Variants in DNAH3 observed in about 807,000 individuals in gnomAD.
DNAH3 encodes the protein axonemal beta dynein heavy chain 3.
In DNAH3, 332 loss-of-function variants were observed where a neutral mutation model predicts 432.5. The ratio of observed to expected loss-of-function variants is 0.77; its 90% CI spans 0.70 to 0.84. The LOEUF (loss-of-function observed/expected upper bound fraction) is 0.84. Among genes scored for constraint, DNAH3 ranks in the 40% least tolerant of loss-of-function variants. The pLI is 0.00. For synonymous variants in DNAH3, 1,956 were observed against 1,900.2 expected (o/e 1.03, Z -0.76); for missense variants, 4,861 against 5,114.0 (o/e 0.95, Z 1.51).
intron 30 of DNAH3, 78 bp from the exon 31 acceptor site, chr16:21,049,760 G>T: frequency 7.1e-7 from 1 of 1,414,800 alleles, no homozygotes; most frequent in Non-Finnish European, 1.0e-6. Context: ...TTCAACAGCA[G>T]TGGGCTCCTC....
chr16:21,121,806 G>C, intron 10 of DNAH3, 139 bp downstream of exon 11: 1 of 595,096 alleles, frequency 1.7e-6, no homozygotes, highest in Non-Finnish European at 2.8e-6. Context: ...GGGTCAAGGG[G>C]TTATATTCAG....
intron 8 of DNAH3, 149 bp from the exon 10 acceptor site, chr16:21,125,519 C>T (rs775930102): frequency 3.8e-6 from 2 of 525,794 alleles, no homozygotes; most frequent in African/African-American, 1.9e-5. Context: ...TTCCAGCCAC[C>T]TTACCTGCCA....
rs74012109 is a variant in DNAH3, at chr16:21,111,931, G to C, written c.1920+62C>G. On this transcript the variant is annotated intron_variant, in intron 13 of 61. Transcript: ENST00000261383. ...TCTATGCACCAAAGAGACACTAACT[G>C]CTCATTGGATTGTCTGCAGCACATG... 1.7e-3 allele frequency: 2,622 copies of C among 1,542,410 alleles called. 34 individuals carry two copies. The African/African-American group carries it at 0.03, about 17-fold the overall frequency.
chr16:21,071,096 G>C (rs1037020298), intron 21 of DNAH3, among the ~76,000 whole-genome samples: 1 of 151,502 alleles, frequency 6.6e-6, no homozygotes, highest in South Asian at 2.1e-4. Flanking sequence ...AGGCTGGAGG[G>C]CACCAGCAGA....
At chr16:21,157,624 C>G (rs981075064) in intron 1 of DNAH3, among the ~76,000 whole-genome samples, 2 of 152,106 alleles carry the variant, frequency 1.3e-5, no homozygotes, top group African/African-American at 4.8e-5. Context: ...GCCACCGCAC[C>G]CTGCCAGCTT....
chr16:21,131,010 T>C (rs1413943145), intron 7 of DNAH3, among the ~76,000 whole-genome samples: 3 of 152,034 alleles, frequency 2.0e-5, no homozygotes, highest in Admixed American at 6.6e-5. Flanking sequence ...CTCCAGGAGG[T>C]AGGTATTGTT....
chr16:21,058,624 A>T (rs989788156), intron 26 of DNAH3, among the ~76,000 whole-genome samples: 4 of 152,214 alleles, frequency 2.6e-5, no homozygotes, highest in Non-Finnish European at 5.9e-5. Context: ...AAATTTTTTC[A>T]TAAATAAAGT....
At chr16:21,112,148 A>C (rs777648640) in intron 12 of DNAH3, 50 bp from the exon 13 acceptor site, 1 of 1,278,066 alleles carries the variant, frequency 7.8e-7, no homozygotes, top group Non-Finnish European at 1.1e-6. Flanking sequence ...AAGTCAACCA[A>C]ATCAGATGAG....
intron 51 of DNAH3, among the ~76,000 whole-genome samples, chr16:20,972,409 T>G (rs1456905959): frequency 6.6e-6 from 1 of 151,890 alleles, no homozygotes; most frequent in Non-Finnish European, 1.5e-5. Context: ...TTCTTTTTAG[T>G]TTTTTGCAGA....
rs371419683 is a variant in DNAH3 at position 20,976,238 on chromosome 16, C to G, written c.8077-823G>C. ...TTTGAGATGGAGTCTCACTCTATCA[C>G]CCAGGCTGTAGTGGTGAGATCTCAG... On this transcript the variant is annotated intron_variant, in intron 50 of 61. Transcript: ENST00000261383. Among the ~76,000 whole-genome samples the G allele has an allele frequency of 1.2e-4, 18 of 151,986 alleles. No individual in the cohort carries two copies. In the East Asian group the frequency reaches 2.7e-3, roughly 23 times the overall value.
chr16:21,152,970 C>A (rs2092871936), intron 1 of DNAH3, among the ~76,000 whole-genome samples: 1 of 152,222 alleles, frequency 6.6e-6, no homozygotes, highest in South Asian at 2.1e-4. Context: ...CACCCAAGGG[C>A]TGAGGAGTGC....
chr16:21,145,272 C>T (rs866636303), exon 3 of DNAH3: 4 of 1,614,054 alleles, frequency 2.5e-6, no homozygotes, highest in Non-Finnish European at 3.4e-6. Context: ...GCTTCAGGTC[C>T]TGGGCCATCA....
intron 10 of DNAH3, chr16:21,120,907 C>A: frequency 7.5e-7 from 1 of 1,334,724 alleles, no homozygotes; most frequent in Non-Finnish European, 1.1e-6. Context: ...CCATTTCCTT[C>A]CTAGGGATAC....
intron 49 of DNAH3, 92 bp downstream of exon 49, chr16:20,982,629 T>G: frequency 9.5e-7 from 1 of 1,049,486 alleles, no homozygotes; most frequent in Non-Finnish European, 1.4e-6. Flanking sequence ...ATATACAAAT[T>G]GAGAAATCTT....
chr16:20,935,991 G>A (rs1052929393), intron 60 of DNAH3, among the ~76,000 whole-genome samples: 3 of 152,086 alleles, frequency 2.0e-5, no homozygotes, highest in African/African-American at 2.4e-5. Context: ...ATGCGAGAAC[G>A]CAGGTGCATT....
chr16:21,079,630 C>T (rs2091108791), intron 20 of DNAH3, among the ~76,000 whole-genome samples: 1 of 152,022 alleles, frequency 6.6e-6, no homozygotes, highest in Non-Finnish European at 1.5e-5. Flanking sequence ...GAGTGAGACT[C>T]TGTCTCAAAA....
chr16:21,045,298 T>C (rs1597229181), intron 31 of DNAH3, among the ~76,000 whole-genome samples: 2 of 151,772 alleles, frequency 1.3e-5, no homozygotes, highest in Admixed American at 6.6e-5. Context: ...TGAATCCATC[T>C]GGTCCTGGAC....
intron 24 of DNAH3, among the ~76,000 whole-genome samples, chr16:21,066,058 C>T (rs956739692): frequency 6.6e-6 from 1 of 151,994 alleles, no homozygotes; most frequent in African/African-American, 2.4e-5. Flanking sequence ...AACTCCTGAC[C>T]TCGGGTGATC....
At chr16:21,037,619 T>C (rs925931529) in intron 34 of DNAH3, 142 bp downstream of exon 34, 16 of 662,782 alleles carry the variant, frequency 2.4e-5, no homozygotes, top group Non-Finnish European at 4.2e-5. Context: ...TTATTTAACA[T>C]TTGCAGGGAG....
Sources: gnomAD v4.1 joint callset for allele counts (sites outside exome capture counted in the v4.1 genomes callset) on GRCh38, gnomAD v4.1.1 for gene constraint, MANE v1.5 for transcripts, NCBI Gene and HGNC (gene_info 2026-07-23, HGNC 2026-07-21) for gene names.